DLG2: variants seen among roughly 807,000 people sequenced by gnomAD.
DLG2 encodes discs large MAGUK scaffold protein 2.
DLG2 carries 45 observed loss-of-function variants against 132.5 expected under a neutral mutation model. That is an observed-to-expected ratio of 0.34 (90% CI 0.27 to 0.44). DLG2 has a LOEUF of 0.44. Ranked by LOEUF, DLG2 falls within the 20% of genes least tolerant of loss-of-function variation. The pLI is 1.00. For missense variants in DLG2, 1,045 were observed against 1,196.9 expected (o/e 0.87, Z 1.87); for synonymous variants, 424 against 419.6 (o/e 1.01, Z -0.13).
chr11:84,492,170 G>A (rs987335305), intron 7 of DLG2, among the ~76,000 whole-genome samples: 2 of 152,070 alleles, frequency 1.3e-5, no homozygotes, highest in Non-Finnish European at 2.9e-5. Context: ...GGCACCAACT[G>A]TTCTAGTATG....
intron 8 of DLG2, among the ~76,000 whole-genome samples, chr11:84,227,392 C>T (rs1282925073): frequency 6.6e-6 from 1 of 151,936 alleles, no homozygotes; most frequent in Non-Finnish European, 1.5e-5. Context: ...GGAAACCAGG[C>T]CTTAGAGGAG....
intron 4 of DLG2, among the ~76,000 whole-genome samples, chr11:85,165,524 A>G (rs1342476418): frequency 6.6e-6 from 1 of 152,170 alleles, no homozygotes; most frequent in Non-Finnish European, 1.5e-5. Context: ...TTTTAACTCT[A>G]TAAGGAAAGT....
chr11:85,375,287 G>T (rs771527079), intron 3 of DLG2, among the ~76,000 whole-genome samples: 21 of 152,156 alleles, frequency 1.4e-4, no homozygotes, highest in Non-Finnish European at 3.1e-4. Context: ...GGACTATGTT[G>T]AAAACTTTTG....
chr11:84,430,726 G>T (rs1348009034), intron 7 of DLG2, among the ~76,000 whole-genome samples: 2 of 152,052 alleles, frequency 1.3e-5, no homozygotes, highest in Non-Finnish European at 2.9e-5. Context: ...TTTTTGCTCT[G>T]CCAGGGTGGG....
intron 14 of DLG2, among the ~76,000 whole-genome samples, chr11:83,945,158 C>T (rs11233832): frequency 0.047 from 7,141 of 152,234 alleles, 202 homozygotes; most frequent in East Asian, 0.15. Context: ...CGCCTATAAT[C>T]CCAGCCACTC....
intron 7 of DLG2, among the ~76,000 whole-genome samples, chr11:84,531,697 T>C (rs1009796259): frequency 6.6e-6 from 1 of 152,168 alleles, no homozygotes; most frequent in Non-Finnish European, 1.5e-5. Context: ...GAAAAATCTA[T>C]TAGGACCATG....
intron 7 of DLG2, among the ~76,000 whole-genome samples, chr11:84,390,122 CA>C (rs926395440): frequency 1.3e-5 from 2 of 151,976 alleles, no homozygotes; most frequent in African/African-American, 4.8e-5. Context: ...AATGTTTTAC[CA>C]AAAATTTTAT....
intron 7 of DLG2, among the ~76,000 whole-genome samples, chr11:84,340,871 TGA>T (rs2098511319): frequency 6.6e-6 from 1 of 152,066 alleles, no homozygotes; most frequent in Non-Finnish European, 1.5e-5. Flanking sequence ...TATGGCTCCA[TGA>T]GAGAGATGGG....
chr11:83,458,445 C>T lies in DLG2; in HGVS notation c.*1373G>A, dbSNP rs1434723952. 6.5e-6 allele frequency: 1 copy of T among 152,702 alleles called. No homozygotes were observed. Among genetic ancestry groups the T allele is most frequent in the Admixed American group, 6.6e-5 (1 of 15,266 alleles). 9.5% of individuals were successfully genotyped at this position (152,702 alleles called of 1,614,324 possible). ...TTCCTTGTGACTCTATCTCTTTGCT[C>T]TGTACATAGAAACAAAAAAGTCTGC... On this transcript the variant is annotated 3_prime_UTR_variant, in exon 28 of 28. Transcript: ENST00000376104.
intron 19 of DLG2, among the ~76,000 whole-genome samples, chr11:83,581,310 G>A (rs1028220059): frequency 2.6e-5 from 4 of 152,076 alleles, no homozygotes; most frequent in Admixed American, 1.3e-4. Flanking sequence ...CAGTCCAGTT[G>A]GGAACTGCTG....
At chr11:84,085,888 G>A (rs2096970913) in intron 10 of DLG2, among the ~76,000 whole-genome samples, 1 of 152,090 alleles carries the variant, frequency 6.6e-6, no homozygotes, top group African/African-American at 2.4e-5. Context: ...TTGGAAAATT[G>A]GACCTTATAA....
chr11:83,548,872 G>A (rs1324081427), intron 19 of DLG2, among the ~76,000 whole-genome samples: 1 of 152,130 alleles, frequency 6.6e-6, no homozygotes, highest in African/African-American at 2.4e-5. Flanking sequence ...ACAGCTTCTA[G>A]TCTTGAGTGG....
At chr11:85,312,635 A>C (rs1306478801) in intron 3 of DLG2, among the ~76,000 whole-genome samples, 2 of 151,922 alleles carry the variant, frequency 1.3e-5, no homozygotes, top group Admixed American at 1.3e-4. Context: ...GACCAGAGAA[A>C]ATTCAAGGCA....
intron 7 of DLG2, among the ~76,000 whole-genome samples, chr11:84,314,866 C>A (rs1249275325): frequency 6.6e-6 from 1 of 151,942 alleles, no homozygotes; most frequent in Non-Finnish European, 1.5e-5. Context: ...AGTTTTCAAG[C>A]ATTGGTGAAG....
intron 6 of DLG2, among the ~76,000 whole-genome samples, chr11:84,712,560 C>T (rs2060566361): frequency 6.6e-6 from 1 of 151,938 alleles, no homozygotes; most frequent in Non-Finnish European, 1.5e-5. Context: ...AAAATACCTC[C>T]AATTTACTGA....
chr11:84,113,280 A>G (rs2093458438), intron 9 of DLG2, among the ~76,000 whole-genome samples: 1 of 152,186 alleles, frequency 6.6e-6, no homozygotes, highest in African/African-American at 2.4e-5. Flanking sequence ...TGCATAAAAC[A>G]CTTCCATTGT....
In DLG2 at chr11:85,403,755, C is replaced by CT. The variant is rs533864333; in HGVS notation, c.41-118391dup. 4.8e-4 allele frequency among the ~76,000 whole-genome samples: 73 copies of CT among 151,990 alleles called. 2 individuals carry two copies. The highest frequency in any genetic ancestry group is 1.6e-3 in the African/African-American group (67 of 41,492). On this transcript the variant is annotated intron_variant, in intron 3 of 27. Transcript: ENST00000376104. Reference sequence around the variant, plus strand: ...GCCTCTTTGTTATGGGGGAAGATGCCTCTGGTAGATATGTGAAAGACAGGC... The same window carrying CT: ...GCCTCTTTGTTATGGGGGAAGATGCCTTCTGGTAGATATGTGAAAGACAGGC...
At chr11:84,092,249 C>G (rs1297410503) in intron 10 of DLG2, among the ~76,000 whole-genome samples, 1 of 152,200 alleles carries the variant, frequency 6.6e-6, no homozygotes, top group East Asian at 1.9e-4. Flanking sequence ...CCACACTGTC[C>G]ATCCCTGGCT....
At chr11:83,715,243 C>T (rs1204945055) in intron 18 of DLG2, among the ~76,000 whole-genome samples, 4 of 152,194 alleles carry the variant, frequency 2.6e-5, no homozygotes, top group Admixed American at 1.3e-4. Context: ...AAACATTCCA[C>T]ATGCTGAATC....
Sources: allele counts gnomAD v4.1 joint callset (sites outside exome capture counted in the v4.1 genomes callset), GRCh38; gene constraint gnomAD v4.1.1; transcripts MANE v1.5; gene names NCBI Gene and HGNC (gene_info 2026-07-23, HGNC 2026-07-21).